The following BCL6B variants were observed in gnomAD, a reference collection of about 807,000 sequenced individuals.
BCL6B encodes the protein B-cell CLL/lymphoma 6 member B protein.
Under a neutral mutation model 44.6 loss-of-function variants are expected in BCL6B, and 28 were observed. That is an observed-to-expected ratio of 0.63 (90% CI 0.47 to 0.86). The LOEUF is 0.86. Ranked by LOEUF, BCL6B falls within the 40% of genes least tolerant of loss-of-function variation. BCL6B has a pLI of 0.00. For missense variants in BCL6B, 626 were observed against 652.3 expected (o/e 0.96, Z 0.44); for synonymous variants, 268 against 263.6 (o/e 1.02, Z -0.16).
In BCL6B at chr17:7,024,638, C is replaced by T. The variant is rs765338406; in HGVS notation, c.639C>T (p.Val213=). ...NSQASQAGSL[V]GERSSGQPCP... is the part of the protein sequence containing the mutation. ...AGGCCTCCCAAGCAGGGAGCCTGGT[C>T]GGGGAGAGAAGTTCTGGTCAACCTT... Residue 213 remains valine, a synonymous_variant, in exon 4 of 9, where the codon GTC becomes GTT. Coordinates refer to ENST00000293805, the MANE Select transcript of BCL6B (RefSeq NM_181844.4). This position sits in a 1 kb window ranked among gnomAD's most constrained non-coding sequence, Gnocchi z 6.6. 17 of 1,613,972 alleles carry T rather than the reference C, an allele frequency of 1.1e-5. No homozygotes were observed. Among genetic ancestry groups the T allele is most frequent in the Admixed American group, 1.7e-5 (1 of 59,992 alleles).
chr17:7,028,585 T>C lies in BCL6B; in HGVS notation c.*966T>C, dbSNP rs1042585668. On this transcript the variant is annotated 3_prime_UTR_variant, in exon 9 of 9. Coordinates refer to ENST00000293805, the MANE Select transcript of BCL6B (RefSeq NM_181844.4). ...TTGGCTCTGCTGTATCCATCTATAG[T>C]GGTAGAGACCCACCAGGGCTCAAGT... 1.6e-5 allele frequency: 14 copies of C among 853,384 alleles called. No homozygotes were observed. The highest frequency in any genetic ancestry group is 1.7e-5 in the Non-Finnish European group (13 of 769,818). 52.9% of individuals were successfully genotyped at this position (853,384 alleles called of 1,614,324 possible).
At position 7,024,202 on chromosome 17, in the gene BCL6B, G is replaced by A. The variant is rs1367555554; in HGVS notation, c.299G>A (p.Arg100His). The change falls in exon 3 of 9, where the codon CGC (arginine) becomes CAC (histidine). Residue 100 changes from arginine to histidine, a missense_variant. Physicochemically the swap from Arg to His is conservative, Grantham distance 29. Coordinates refer to ENST00000293805, the MANE Select transcript of BCL6B (RefSeq NM_181844.4). This position sits in a 1 kb window ranked among gnomAD's most constrained non-coding sequence, Gnocchi z 6.6. ...CTATTGGACTTCATGTACACTTCGC[G>A]CCTGCGCCTCTCTCCAGCCACTGCA... The part of the protein sequence containing the change: ...APLLDFMYTS[R>H]LRLSPATAPA... 2 of 1,613,852 alleles carry A rather than the reference G, an allele frequency of 1.2e-6. No homozygotes were observed. The highest frequency in any genetic ancestry group is 1.1e-5 in the South Asian group (1 of 91,090).
Position 7,026,473 on chromosome 17 carries a change from C to T in BCL6B, c.906C>T (p.Ser302=). ...CCTTCCCAGGAAGTGAATTTTTCAG[C>T]TGCCAGAACTGTGAGGCTGTGGCAG... ...ARPLPGSEFF[S]CQNCEAVAGC... Residue 302 remains serine, a synonymous_variant, in exon 6 of 9, where the codon AGC becomes AGT. Transcript: ENST00000293805. 6.2e-7 allele frequency: 1 copy of T among 1,613,650 alleles called. No homozygotes were observed. Among genetic ancestry groups the T allele is most frequent in the Non-Finnish European group, 8.5e-7 (1 of 1,179,782 alleles).
intron 2 of BCL6B, 78 bp downstream of exon 2, chr17:7,023,928 C>G: frequency 6.4e-7 from 1 of 1,557,668 alleles, no homozygotes; most frequent in Non-Finnish European, 8.7e-7. Flanking sequence ...GAATCCGAAG[C>G]CAAGTCTTTC....
Position 7,023,692 on chromosome 17 carries a change from G to A in BCL6B, c.21G>A (p.Pro7=), listed in dbSNP as rs773741452. MGSPAA[P]EGALGYVREF... Reference sequence around the variant, plus strand: ...TCGCTATGGGTTCCCCCGCCGCCCCGGAGGGAGCGCTGGGCTACGTCCGCG... The same window carrying A: ...TCGCTATGGGTTCCCCCGCCGCCCCAGAGGGAGCGCTGGGCTACGTCCGCG... Residue 7 remains proline (P), a synonymous_variant, in exon 2 of 9, where the codon CCG becomes CCA. Transcript: ENST00000293805. The A allele has an allele frequency of 1.6e-5, 26 of 1,612,844 alleles. No individual in the cohort carries two copies. Among genetic ancestry groups the A allele is most frequent in the South Asian group, 1.4e-4 (13 of 91,062 alleles).
Position 7,027,508 on chromosome 17 carries a change from C to T in BCL6B, c.1329C>T (p.Asp443=). 6 of 1,613,884 alleles carry T rather than the reference C, an allele frequency of 3.7e-6. No individual in the cohort carries two copies. Among genetic ancestry groups the T allele is most frequent in the Non-Finnish European group, 5.1e-6 (6 of 1,180,006 alleles). ...ACTTGGCTGTCCTCCCACAGTGCGA[C>T]CCCTGTGGCCTGCATTTCCGGCACA... ...IHTGEKPYHC[D]PCGLHFRHKS... The change falls in exon 9 of 9, where the codon GAC becomes GAT. Residue 443 remains aspartate, a synonymous_variant. Transcript: ENST00000293805.
chr17:7,028,175 T>G lies in BCL6B; in HGVS notation c.*556T>G, dbSNP rs1438664157. ...CTTTAGAATTGTTCTTTCTCCTGTT[T>G]GTTTGCTTGTTAGTTTGTTTAAAAT... On this transcript the variant is annotated 3_prime_UTR_variant, in exon 9 of 9. Coordinates refer to ENST00000293805, the MANE Select transcript of BCL6B (RefSeq NM_181844.4). The G allele has an allele frequency of 1.0e-6, 1 of 985,874 alleles. No homozygotes were observed. Among genetic ancestry groups the G allele is most frequent in the African/African-American group, 1.7e-5 (1 of 57,238 alleles). The allele number at this position is 985,874 out of a possible 1,614,324, so 61.1% of individuals were successfully genotyped here. A position where few individuals can be genotyped will look rare whatever the true frequency, so the allele number is the denominator to read the frequency against.
At position 7,028,920 on chromosome 17, in the gene BCL6B, C is replaced by G. The variant is rs1261741412; in HGVS notation, c.*1301C>G. On this transcript the variant is annotated 3_prime_UTR_variant, in exon 9 of 9. Transcript: ENST00000293805. ...TCTGGCAAGTGTCCAGATGCCAGAA[C>G]CTTCTTTTCCTCTAGAAGGGATGGT... 1.0e-6 allele frequency: 1 copy of G among 985,430 alleles called. No homozygotes were observed. Among genetic ancestry groups the G allele is most frequent in the Non-Finnish European group, 1.2e-6 (1 of 829,942 alleles). 61.0% of individuals were successfully genotyped at this position (985,430 alleles called of 1,614,324 possible). A position where few individuals can be genotyped will look rare whatever the true frequency, so the allele number is the denominator to read the frequency against.
rs766747261 is a variant in BCL6B, at chr17:7,026,693, C to A, written c.1055-12C>A. On this transcript the variant is annotated splice_polypyrimidine_tract_variant and intron_variant, in intron 6 of 8. Coordinates refer to ENST00000293805, the MANE Select transcript of BCL6B (RefSeq NM_181844.4). ...GGCAAAGTCCCTGATCTCCCATGTT[C>A]TCTGCCTCCAGGGGAAAAGCCTTAC... 6.2e-7 allele frequency: 1 copy of A among 1,614,264 alleles called. No individual in the cohort carries two copies. Among genetic ancestry groups the A allele is most frequent in the Non-Finnish European group, 8.5e-7 (1 of 1,180,046 alleles).
intron 8 of BCL6B, 21 bp from the exon 9 acceptor site, chr17:7,027,482 G>A (rs1005418550): frequency 6.2e-7 from 1 of 1,613,556 alleles, no homozygotes; most frequent in Non-Finnish European, 8.5e-7. Flanking sequence ...GGCAGGGCCT[G>A]ACTTGGCTGT....
Position 7,027,894 on chromosome 17 carries a change from G to A in BCL6B, c.*275G>A. 7.6e-7 allele frequency: 1 copy of A among 1,324,324 alleles called. No individual in the cohort carries two copies. Among genetic ancestry groups the A allele is most frequent in the South Asian group, 1.6e-5 (1 of 62,058 alleles). The allele number at this position is 1,324,324 out of a possible 1,614,324, so 82.0% of individuals were successfully genotyped here. A position where few individuals can be genotyped will look rare whatever the true frequency, so the allele number is the denominator to read the frequency against. The stretch of plus-strand genomic sequence containing the variant: ...GGGAAAGGGGAGAGATTGGAGTCCT[G>A]GTCTCCCTAAGGGAATAGCCCTCCA... On this transcript the variant is annotated 3_prime_UTR_variant, in exon 9 of 9. Coordinates refer to ENST00000293805, the MANE Select transcript of BCL6B (RefSeq NM_181844.4).
chr17:7,024,723 A>AGCG lies in BCL6B; in HGVS notation c.726_727insGGC (p.Ser242_Ser243insGly), dbSNP rs1163642510. 1.2e-6 allele frequency: 2 copies of AGCG among 1,613,040 alleles called. No homozygotes were observed. The highest frequency in any genetic ancestry group is 1.7e-6 in the Non-Finnish European group (2 of 1,179,754). On this transcript the variant is annotated inframe_insertion, in exon 4 of 9. Coordinates refer to ENST00000293805, the MANE Select transcript of BCL6B (RefSeq NM_181844.4). The surrounding 1 kb of genome is among the most constrained non-coding windows in gnomAD (Gnocchi z 6.6). The stretch of plus-strand genomic sequence containing the variant: ...CTCCAGCAGCAGCAGCAGCAGCAGC[A>AGCG]GCAGCAGTGAAGAAGGACCCATTCC...
intron 8 of BCL6B, 90 bp downstream of exon 8, chr17:7,027,177 C>G: frequency 2.0e-6 from 3 of 1,521,568 alleles, no homozygotes; most frequent in Non-Finnish European, 2.7e-6. Flanking sequence ...CTGGCTGTCC[C>G]TAGATCTCTT....
In BCL6B at chr17:7,026,571, CT is replaced by C; in HGVS notation, c.1006del (p.Ser336ArgfsTer36). The C allele has an allele frequency of 6.2e-7, 1 of 1,614,206 alleles. No individual in the cohort carries two copies. The highest frequency in any genetic ancestry group is 2.2e-5 in the East Asian group (1 of 44,884). On this transcript the variant is annotated frameshift_variant, in exon 6 of 9. Coordinates refer to ENST00000293805, the MANE Select transcript of BCL6B (RefSeq NM_181844.4). LOFTEE classifies it high-confidence loss of function. Reference protein sequence around the residue: ...DKPYKCQLCRSSFRYKGNLAS... With the variant: ...DKPYKCQLCRXSFRYKGNLAS... ...CCCTATAAGTGTCAGCTGTGCCGGT[CT>C]TCGTTCCGCTACAAGGGCAACCTTG...
intron 5 of BCL6B, among the ~76,000 whole-genome samples, 187 bp downstream of exon 5, chr17:7,025,387 G>A (rs903218440): frequency 6.6e-5 from 10 of 152,320 alleles, no homozygotes; most frequent in East Asian, 1.9e-4. Context: ...GACATGGGAC[G>A]AGTCATCAGT....
Position 7,023,868 on chromosome 17 carries a change from T to C in BCL6B, c.179+18T>C. Reference sequence around the variant, plus strand: ...GCCTGCAGGTTCGAGGGGTGGGGCCTGGGGCGGGGCCAAATGGGAAAGGGG... The same window carrying C: ...GCCTGCAGGTTCGAGGGGTGGGGCCCGGGGCGGGGCCAAATGGGAAAGGGG... On this transcript the variant is annotated intron_variant, in intron 2 of 8. Transcript: ENST00000293805. 3.3e-6 allele frequency: 2 copies of C among 605,848 alleles called. No homozygotes were observed. Among genetic ancestry groups the C allele is most frequent in the South Asian group, 1.4e-5 (1 of 71,498 alleles). 37.5% of individuals were successfully genotyped at this position (605,848 alleles called of 1,614,324 possible).
intron 5 of BCL6B, among the ~76,000 whole-genome samples, chr17:7,025,983 G>A (rs114764579): frequency 3.3e-5 from 5 of 151,962 alleles, no homozygotes; most frequent in African/African-American, 9.7e-5. Flanking sequence ...GTGCAGTGCC[G>A]CAATCTCGGT....
At position 7,024,184 on chromosome 17, in the gene BCL6B, A is replaced by C; in HGVS notation, c.281A>C (p.Asp94Ala). 6.2e-7 allele frequency: 1 copy of C among 1,613,478 alleles called. No individual in the cohort carries two copies. Among genetic ancestry groups the C allele is most frequent in the Non-Finnish European group, 8.5e-7 (1 of 1,179,890 alleles). The change falls in exon 3 of 9, where the codon GAC becomes GCC. Residue 94 changes from aspartate (D) to alanine (A), a missense_variant. Physicochemically the swap from Asp to Ala is moderately radical, Grantham distance 126. Transcript: ENST00000293805. This position sits in a 1 kb window ranked among gnomAD's most constrained non-coding sequence, Gnocchi z 6.6. ...GCGAGAGGCTTCGCCCCTCTATTGG[A>C]CTTCATGTACACTTCGCGCCTGCGC... ...PEARGFAPLL[D>A]FMYTSRLRLS... is the part of the protein sequence containing the mutation.
At chr17:7,027,419 T>G in intron 8 of BCL6B, 84 bp from the exon 9 acceptor site, 1 of 1,475,792 alleles carries the variant, frequency 6.8e-7, no homozygotes, top group African/African-American at 1.4e-5. Flanking sequence ...AGTTCCCACC[T>G]GGGAGAGCTG....
Sources: gnomAD v4.1 joint callset for allele counts (sites outside exome capture counted in the v4.1 genomes callset) on GRCh38, gnomAD v4.1.1 for gene constraint, Gnocchi (gnomAD v3.1) non-coding constraint, MANE v1.5 for transcripts, NCBI Gene and HGNC (gene_info 2026-07-23, HGNC 2026-07-21) for gene names.